FBXL17: variants seen among roughly 807,000 people sequenced by gnomAD.
The protein encoded by FBXL17 is F-box and leucine rich repeat protein 17.
In FBXL17, 22 loss-of-function variants were observed where a neutral mutation model predicts 66.2. That is an observed-to-expected ratio of 0.33 (90% CI 0.24 to 0.47). The LOEUF is 0.47. FBXL17 is among the 20% of genes least tolerant of loss of function. FBXL17 has a pLI of 1.00. For synonymous variants in FBXL17, 474 were observed against 400.5 expected (o/e 1.18, Z -2.19); for missense variants, 878 against 948.2 (o/e 0.93, Z 0.97).
chr5:108,247,695 T>C (rs1756165588), intron 4 of FBXL17, among the ~76,000 whole-genome samples: 1 of 152,228 alleles, frequency 6.6e-6, no homozygotes, highest in African/African-American at 2.4e-5. Flanking sequence ...GATATTTTAA[T>C]TTTTACTCAT....
intron 6 of FBXL17, among the ~76,000 whole-genome samples, chr5:108,027,869 C>A (rs1433316992): frequency 6.6e-6 from 1 of 152,064 alleles, no homozygotes; most frequent in African/African-American, 2.4e-5. Flanking sequence ...TAGTTAGTTA[C>A]TTTGAATAAG....
intron 4 of FBXL17, among the ~76,000 whole-genome samples, chr5:108,330,108 A>T (rs998992715): frequency 1.3e-5 from 2 of 152,232 alleles, no homozygotes; most frequent in African/African-American, 4.8e-5. Context: ...AATAACCATG[A>T]AGTAGCCAAA....
At chr5:108,120,470 C>A (rs1286936387) in intron 6 of FBXL17, among the ~76,000 whole-genome samples, 1 of 152,104 alleles carries the variant, frequency 6.6e-6, no homozygotes. Context: ...ACAATTAAGA[C>A]CATGAAGTTC....
intron 6 of FBXL17, among the ~76,000 whole-genome samples, chr5:108,064,611 T>C (rs1271535840): frequency 6.6e-6 from 1 of 152,226 alleles, no homozygotes; most frequent in Non-Finnish European, 1.5e-5. Context: ...CTCTCTGGGA[T>C]AAACTCATGA....
At chr5:108,051,500 A>G (rs1322479264) in intron 6 of FBXL17, among the ~76,000 whole-genome samples, 1 of 152,230 alleles carries the variant, frequency 6.6e-6, no homozygotes, top group East Asian at 1.9e-4. Flanking sequence ...ACACATGATT[A>G]TCTCAATATG....
intron 3 of FBXL17, among the ~76,000 whole-genome samples, chr5:108,358,933 C>T (rs986810929): frequency 2.0e-5 from 3 of 151,984 alleles, no homozygotes; most frequent in Non-Finnish European, 4.4e-5. Flanking sequence ...ATTGCCCTAG[C>T]TGGAGTGCAG....
chr5:108,081,202 TG>T (rs1748749317), intron 6 of FBXL17, among the ~76,000 whole-genome samples: 1 of 152,128 alleles, frequency 6.6e-6, no homozygotes. Context: ...CAGTTGTGCC[TG>T]AATTCCAAAA....
intron 6 of FBXL17, among the ~76,000 whole-genome samples, chr5:108,082,898 C>G (rs1401526686): frequency 6.6e-6 from 1 of 151,998 alleles, no homozygotes; most frequent in Non-Finnish European, 1.5e-5. Context: ...GTAAGTGGAG[C>G]CTTTCAGTAG....
At chr5:108,101,929 C>G (rs1399350230) in intron 6 of FBXL17, among the ~76,000 whole-genome samples, 1 of 152,130 alleles carries the variant, frequency 6.6e-6, no homozygotes, top group African/African-American at 2.4e-5. Flanking sequence ...GCAAAAAACT[C>G]CTTGAGAAAG....
intron 2 of FBXL17, 83 bp downstream of exon 2, chr5:108,367,748 G>T (rs370918643): frequency 5.8e-6 from 2 of 346,048 alleles, no homozygotes; most frequent in South Asian, 5.6e-5. Context: ...TAAAAAACAA[G>T]AAGACAGTAA....
intron 7 of FBXL17, among the ~76,000 whole-genome samples, chr5:107,971,326 T>C (rs1752365983): frequency 6.6e-6 from 1 of 152,184 alleles, no homozygotes; most frequent in Non-Finnish European, 1.5e-5. Context: ...TTTCAAATAG[T>C]TCTACTTCCA....
intron 1 of FBXL17, among the ~76,000 whole-genome samples, chr5:108,378,744 C>T (rs1037241216): frequency 2.0e-5 from 3 of 152,164 alleles, no homozygotes; most frequent in Non-Finnish European, 2.9e-5. Flanking sequence ...TACATTCGTT[C>T]GTAAGTATTT....
chr5:108,013,269 G>C (rs1754253055), intron 7 of FBXL17, among the ~76,000 whole-genome samples: 1 of 152,074 alleles, frequency 6.6e-6, no homozygotes, highest in Non-Finnish European at 1.5e-5. Context: ...AATAAGACAG[G>C]AAAAGTCACA....
At chr5:108,097,711 C>T (rs2149936783) in intron 6 of FBXL17, among the ~76,000 whole-genome samples, 1 of 151,990 alleles carries the variant, frequency 6.6e-6, no homozygotes, top group African/African-American at 2.4e-5. Context: ...ATCATTTGAA[C>T]CCGGGAGGCG....
At chr5:108,212,505 A>T (rs1754419719) in intron 5 of FBXL17, among the ~76,000 whole-genome samples, 1 of 151,946 alleles carries the variant, frequency 6.6e-6, no homozygotes, top group African/African-American at 2.4e-5. Flanking sequence ...TGACCTCTGA[A>T]TGGGGTCTTT....
chr5:108,262,950 A>G (rs942575995), intron 4 of FBXL17, among the ~76,000 whole-genome samples: 6 of 152,030 alleles, frequency 3.9e-5, no homozygotes, highest in Non-Finnish European at 5.9e-5. Flanking sequence ...AAGGTTATAC[A>G]AGGATACTGT....
At chr5:108,006,142 T>C (rs1268762208) in intron 7 of FBXL17, among the ~76,000 whole-genome samples, 1 of 152,256 alleles carries the variant, frequency 6.6e-6, no homozygotes, top group Non-Finnish European at 1.5e-5. Flanking sequence ...TAAATTTTAA[T>C]GTTTCTTTTG....
chr5:107,979,932 TAAC>T (rs2112667328), intron 7 of FBXL17, among the ~76,000 whole-genome samples: 1 of 152,298 alleles, frequency 6.6e-6, no homozygotes, highest in South Asian at 2.1e-4. Context: ...AAATAATCCT[TAAC>T]AATAATGGTT....
intron 7 of FBXL17, among the ~76,000 whole-genome samples, chr5:107,989,662 G>T (rs12513714): frequency 0.32 from 48,630 of 151,862 alleles, 8,032 homozygotes; most frequent in African/African-American, 0.4. Context: ...CCCAGCTGTG[G>T]GACTGCTGGA....
Sources: gnomAD v4.1 joint callset for allele counts (sites outside exome capture counted in the v4.1 genomes callset) on GRCh38, gnomAD v4.1.1 for gene constraint, MANE v1.5 for transcripts, NCBI Gene and HGNC (gene_info 2026-07-23, HGNC 2026-07-21) for gene names.